The following RFX3 variants were observed in gnomAD, a reference collection of about 807,000 sequenced individuals.
RFX3 encodes regulatory factor X3, also known as transcription factor RFX3.
Under a neutral mutation model 98.6 loss-of-function variants are expected in RFX3, and 14 were observed. That is an observed-to-expected ratio of 0.14 (90% CI 0.09 to 0.22). The LOEUF is 0.22. Ranked by LOEUF, RFX3 falls within the 10% of genes least tolerant of loss-of-function variation. RFX3 has a pLI of 1.00. For missense variants in RFX3, 639 were observed against 926.9 expected, an observed-to-expected ratio of 0.69 and a Z score of 4.03; for synonymous variants, 383 against 328.4, an observed-to-expected ratio of 1.17 and a Z score of -1.80.
rs557822332 is a variant in RFX3, at chr9:3,495,882, T to C, written c.-9+29865A>G. On this transcript the variant is annotated intron_variant, in intron 1 of 16. Transcript: ENST00000617270. ...TTCTTTTAAACATATTACCTTCTAA[T>C]TAAATTAAATGCCTTTATGGTCACT... Among the ~76,000 whole-genome samples, 4 of 152,180 alleles carry C rather than the reference T, an allele frequency of 2.6e-5. No individual in the cohort carries two copies. The East Asian group carries it at 5.8e-4, about 22-fold the overall frequency.
intron 1 of RFX3, among the ~76,000 whole-genome samples, chr9:3,504,047 T>G (rs1167187606): frequency 2.0e-5 from 3 of 150,402 alleles, no homozygotes; most frequent in Non-Finnish European, 3.0e-5. Context: ...TTCAAGAATT[T>G]AATTTTGAAA....
chr9:3,368,776 T>A (rs1005706166), intron 2 of RFX3, among the ~76,000 whole-genome samples: 1 of 152,016 alleles, frequency 6.6e-6, no homozygotes, highest in Non-Finnish European at 1.5e-5. Flanking sequence ...GACTCCTAAG[T>A]ACTGTAGTTT....
At chr9:3,337,825 G>C (rs902831082) in intron 3 of RFX3, among the ~76,000 whole-genome samples, 1 of 152,156 alleles carries the variant, frequency 6.6e-6, no homozygotes, top group African/African-American at 2.4e-5. Context: ...GGTTTCTGTT[G>C]CTTGAAACCA....
rs185484767 is a variant in RFX3 at position 3,387,351 on chromosome 9, A to G, written c.117+8121T>C. 3.4e-3 allele frequency among the ~76,000 whole-genome samples: 523 copies of G among 152,294 alleles called. 1 individual carries two copies. The highest frequency in any genetic ancestry group is 8.5e-3 in the African/African-American group (352 of 41,568). On this transcript the variant is annotated intron_variant, in intron 2 of 16. Transcript: ENST00000617270. ...AACATGGTATCTAGAACTGATCACA[A>G]TGATCTAACTCTGGATAAAAAAAAA... is the stretch of plus-strand genomic sequence containing the variant.
intron 1 of RFX3, among the ~76,000 whole-genome samples, chr9:3,415,091 T>C (rs1842862532): frequency 1.1e-5 from 1 of 89,948 alleles, no homozygotes; most frequent in Admixed American, 1.1e-4. Context: ...TTCTTATATA[T>C]ATACTCATAT....
At chr9:3,474,665 A>T (rs946911754) in intron 1 of RFX3, among the ~76,000 whole-genome samples, 7 of 152,232 alleles carry the variant, frequency 4.6e-5, no homozygotes, top group African/African-American at 1.7e-4. Context: ...CTCTGAATAC[A>T]GATTTGTCTC....
chr9:3,503,359 C>A (rs1395903364), intron 1 of RFX3, among the ~76,000 whole-genome samples: 1 of 151,954 alleles, frequency 6.6e-6, no homozygotes, highest in Non-Finnish European at 1.5e-5. Context: ...ATAAAAATGT[C>A]TATTTCCTTA....
intron 3 of RFX3, among the ~76,000 whole-genome samples, chr9:3,337,224 C>A: frequency 6.6e-6 from 1 of 152,060 alleles, no homozygotes; most frequent in East Asian, 1.9e-4. Flanking sequence ...GATTCTGGAA[C>A]CTGTGAAATA....
At chr9:3,458,115 T>A (rs778440268) in intron 1 of RFX3, among the ~76,000 whole-genome samples, 3 of 152,172 alleles carry the variant, frequency 2.0e-5, no homozygotes, top group Non-Finnish European at 2.9e-5. Flanking sequence ...ACTGTTTTCA[T>A]GCAGGAATGA....
chr9:3,254,603 T>C (rs951838603), intron 14 of RFX3, among the ~76,000 whole-genome samples: 1 of 151,912 alleles, frequency 6.6e-6, no homozygotes, highest in African/African-American at 2.4e-5. Context: ...AGTGGCGTGA[T>C]CTCTGCTCAC....
intron 14 of RFX3, among the ~76,000 whole-genome samples, chr9:3,248,551 A>C (rs560563655): frequency 7.9e-5 from 12 of 152,276 alleles, no homozygotes; most frequent in African/African-American, 2.2e-4. Context: ...TTGAGTGAAA[A>C]TCCTATTGAT....
At chr9:3,378,820 T>C (rs998142375) in intron 2 of RFX3, among the ~76,000 whole-genome samples, 1 of 152,068 alleles carries the variant, frequency 6.6e-6, no homozygotes, top group African/African-American at 2.4e-5. Flanking sequence ...CCTCCCAAAG[T>C]GCTGGGATTA....
intron 4 of RFX3, among the ~76,000 whole-genome samples, chr9:3,307,572 G>A (rs1242621637): frequency 6.6e-6 from 1 of 152,120 alleles, no homozygotes; most frequent in Admixed American, 6.6e-5. Flanking sequence ...GGAGTCTAAG[G>A]GAGAAGGCTT....
intron 3 of RFX3, among the ~76,000 whole-genome samples, chr9:3,332,546 T>C (rs553450392): frequency 3.9e-5 from 6 of 152,192 alleles, no homozygotes; most frequent in Non-Finnish European, 8.8e-5. Flanking sequence ...AATCAGTTGC[T>C]CTTGCAATCT....
chr9:3,366,753 T>TC (rs71324243), intron 2 of RFX3, among the ~76,000 whole-genome samples: 40 of 149,536 alleles, frequency 2.7e-4, no homozygotes, highest in African/African-American at 6.9e-4. Flanking sequence ...TTTCTTTCTT[T>TC]TTGGCTATTC....
Position 3,242,116 on chromosome 9 carries a change from G to A in RFX3, c.1968+5916C>T, listed in dbSNP as rs764958926. Among the ~76,000 whole-genome samples, 228 of 152,254 alleles carry A rather than the reference G, an allele frequency of 1.5e-3. 1 individual carries two copies. The highest frequency in any genetic ancestry group is 2.1e-3 in the Non-Finnish European group (140 of 68,022). On this transcript the variant is annotated intron_variant, in intron 15 of 16. Coordinates refer to ENST00000617270, the MANE Select transcript of RFX3 (RefSeq NM_001282116.2). Reference sequence around the variant, plus strand: ...CCATTTGACTATTTGAAGTGAGGCAGTCCTACTTTCTAAAGTTAGTTCTAC... The same window carrying A: ...CCATTTGACTATTTGAAGTGAGGCAATCCTACTTTCTAAAGTTAGTTCTAC...
At chr9:3,247,750 C>A in intron 15 of RFX3, 1 of 1,557,262 alleles carries the variant, frequency 6.4e-7, no homozygotes, top group Non-Finnish European at 8.7e-7. Flanking sequence ...TTTCATATTC[C>A]AGTGGTTCTC....
intron 1 of RFX3, among the ~76,000 whole-genome samples, chr9:3,518,634 A>C (rs529182844): frequency 3.9e-5 from 6 of 152,344 alleles, no homozygotes; most frequent in African/African-American, 1.2e-4. Flanking sequence ...TTCTGATGAA[A>C]ATGTTCAGGA....
At position 3,518,373 on chromosome 9, in the gene RFX3, T is replaced by C. The variant is rs141635169; in HGVS notation, c.-9+7374A>G. Among the ~76,000 whole-genome samples the C allele has an allele frequency of 4.1e-3, 628 of 152,346 alleles. 2 individuals are homozygous for C. The highest frequency in any genetic ancestry group is 0.014 in the Middle Eastern group (4 of 294). ...GTGGCTAAGCTGAGAGTCAGTCTAA[T>C]TGATATGTTGGGGCTAATTATCTAC... On this transcript the variant is annotated intron_variant, in intron 1 of 16. Coordinates refer to ENST00000617270, the MANE Select transcript of RFX3 (RefSeq NM_001282116.2).
Sources: allele counts gnomAD v4.1 joint callset (sites outside exome capture counted in the v4.1 genomes callset), GRCh38; gene constraint gnomAD v4.1.1; transcripts MANE v1.5; gene names NCBI Gene and HGNC (gene_info 2026-07-23, HGNC 2026-07-21).